Variants in BAG4 observed in about 807,000 individuals in gnomAD.
BAG4 encodes BAG family molecular chaperone regulator 4.
Under a neutral mutation model 52.1 loss-of-function variants are expected in BAG4, and 28 were observed. That is an observed-to-expected ratio of 0.54 (90% CI 0.40 to 0.74). The LOEUF (loss-of-function observed/expected upper bound fraction) is 0.74, where lower values mean the gene tolerates loss of function less well. BAG4 is among the 30% of genes least tolerant of loss of function. The probability of loss-of-function intolerance (pLI) is 0.00; values close to 1 mark genes in which losing one functional copy is unlikely to be tolerated. For synonymous variants in BAG4, 208 were observed against 217.0 expected, an observed-to-expected ratio of 0.96 and a Z score of 0.37; for missense variants, 525 against 572.0, an observed-to-expected ratio of 0.92 and a Z score of 0.84.
chr8:38,192,206 A>G (rs1480466311), intron 1 of BAG4, among the ~76,000 whole-genome samples: 1 of 152,222 alleles, frequency 6.6e-6, no homozygotes, highest in African/African-American at 2.4e-5. Context: ...CACTAATTAA[A>G]TTAGTAGTCT....
rs34268146 is a variant in BAG4 at position 38,181,886 on chromosome 8, CAAAAAAAAAAAAA to C, written c.270+4765_270+4777del. Reference sequence around the variant, plus strand: ...CCTGGGCTGCCTAGCGAGACTATCTCAAAAAAAAAAAAAAAAAAAAAAAAAAAAAAGGAAGTAA... The same window carrying C: ...CCTGGGCTGCCTAGCGAGACTATCTCAAAAAAAAAAAAAAAAAGGAAGTAA... On this transcript the variant is annotated intron_variant, in intron 1 of 4. Transcript: ENST00000287322. Among the ~76,000 whole-genome samples, 66 of 37,270 alleles carry C rather than the reference CAAAAAAAAAAAAA, an allele frequency of 1.8e-3. 1 individual carries two copies. The highest frequency in any genetic ancestry group is 0.038 in the Middle Eastern group (1 of 26). 24.5% of individuals were successfully genotyped at this position (37,270 alleles called of 152,430 possible).
Position 38,213,053 on chromosome 8 carries a change from A to G in BAG4, c.*2560A>G, listed in dbSNP as rs1803888994. On this transcript the variant is annotated 3_prime_UTR_variant, in exon 5 of 5. Transcript: ENST00000287322. ...GTTAAATCATGTTAAAATTATTCCA[A>G]ATACCAATATCAAAGAAAACTAAGT... 1 of 152,202 alleles carries G rather than the reference A, an allele frequency of 6.6e-6. No individual in the cohort carries two copies. Among genetic ancestry groups the G allele is most frequent in the Non-Finnish European group, 1.5e-5 (1 of 68,030 alleles). The allele number at this position is 152,202 out of a possible 1,614,324, so 9.4% of individuals were successfully genotyped here.
At chr8:38,200,573 G>A (rs1409534163) in intron 2 of BAG4, among the ~76,000 whole-genome samples, 1 of 151,554 alleles carries the variant, frequency 6.6e-6, no homozygotes, top group Non-Finnish European at 1.5e-5. Flanking sequence ...TTCAACTTAT[G>A]TAAAAAAGGC....
At chr8:38,204,048 A>G (rs1223537216) in intron 2 of BAG4, 1 of 152,176 alleles carries the variant, frequency 6.6e-6, no homozygotes, top group Admixed American at 6.5e-5. Context: ...CTTAACAAAC[A>G]TCTTTAGCAA....
At chr8:38,184,162 A>G (rs920544320) in intron 1 of BAG4, among the ~76,000 whole-genome samples, 5 of 152,268 alleles carry the variant, frequency 3.3e-5, no homozygotes, top group African/African-American at 1.2e-4. Flanking sequence ...TGGAGTGATT[A>G]TAGCCAGGAA....
chr8:38,190,405 G>A (rs987233171), intron 1 of BAG4, among the ~76,000 whole-genome samples: 5 of 152,188 alleles, frequency 3.3e-5, no homozygotes, highest in South Asian at 2.1e-4. Context: ...TATATTCTGT[G>A]TGTGGTTATC....
chr8:38,209,705 T>C (rs572811633), intron 4 of BAG4: 1 of 396,414 alleles, frequency 2.5e-6, no homozygotes, highest in Admixed American at 4.3e-5. Flanking sequence ...GGGGAAAAAC[T>C]AATTCTTATT....
At position 38,207,493 on chromosome 8, in the gene BAG4, T is replaced by G; in HGVS notation, c.379-19T>G. 6.2e-7 allele frequency: 1 copy of G among 1,601,358 alleles called. No individual in the cohort carries two copies. The highest frequency in any genetic ancestry group is 8.5e-7 in the Non-Finnish European group (1 of 1,172,466). On this transcript the variant is annotated intron_variant, in intron 2 of 4. Coordinates refer to ENST00000287322, the MANE Select transcript of BAG4 (RefSeq NM_004874.4). ...TTCTACTAATTCATCTTTTTTTCAC[T>G]CAACTTGGTTTTTTTCAGAGTTTGA...
rs1373474991 is a variant in BAG4 at position 38,211,829 on chromosome 8, TTAGA to T, written c.*1341_*1344del. ...GCCTTGTTTGGGTAACTCTATGCTG[TTAGA>T]TAGAAGAGACTTAGGTAAATAACTT... On this transcript the variant is annotated 3_prime_UTR_variant, in exon 5 of 5. Coordinates refer to ENST00000287322, the MANE Select transcript of BAG4 (RefSeq NM_004874.4). 1 of 152,120 alleles carries T rather than the reference TTAGA, an allele frequency of 6.6e-6. No individual in the cohort carries two copies. The highest frequency in any genetic ancestry group is 1.9e-4 in the East Asian group (1 of 5,194). 9.4% of individuals were successfully genotyped at this position (152,120 alleles called of 1,614,324 possible). A position where few individuals can be genotyped will look rare whatever the true frequency, so the allele number is the denominator to read the frequency against.
In BAG4 at chr8:38,188,482, A is replaced by G. The variant is rs1395725904; in HGVS notation, c.271-4206A>G. Among the ~76,000 whole-genome samples the G allele has an allele frequency of 3.3e-5, 5 of 151,916 alleles. 1 individual carries two copies. Among genetic ancestry groups the G allele is most frequent in the Non-Finnish European group, 2.9e-5 (2 of 67,952 alleles). Reference sequence around the variant, plus strand: ...TACCCTGTTTTGATCATTACACTTTATATACATGTATCAAAATATCACATG... The same window carrying G: ...TACCCTGTTTTGATCATTACACTTTGTATACATGTATCAAAATATCACATG... On this transcript the variant is annotated intron_variant, in intron 1 of 4. Coordinates refer to ENST00000287322, the MANE Select transcript of BAG4 (RefSeq NM_004874.4).
In BAG4 at chr8:38,207,528, C is replaced by A. The variant is rs371334530; in HGVS notation, c.395C>A (p.Thr132Lys). 3 of 1,612,166 alleles carry A rather than the reference C, an allele frequency of 1.9e-6. No individual in the cohort carries two copies. The South Asian group carries it at 3.3e-5, about 18-fold the overall frequency. The change falls in exon 3 of 5, where the codon ACA becomes AAA. Residue 132 changes from threonine to lysine, a missense_variant. Physicochemically the swap from Thr to Lys is moderately conservative, Grantham distance 78 (BLOSUM62 -1). Transcript: ENST00000287322. The part of the protein sequence containing the change: ...ELQGQSLNSY[T>K]NGAYGPTYPP... ...TTTTTTCAGAGTTTGAATTCTTATA[C>A]AAATGGAGCGTATGGTCCAACATAC...
rs771429583 is a variant in BAG4 at position 38,182,689 on chromosome 8, G to A, written c.270+5550G>A. Among the ~76,000 whole-genome samples the A allele has an allele frequency of 2.2e-3, 330 of 152,218 alleles. 3 individuals carry two copies. Among genetic ancestry groups the A allele is most frequent in the Non-Finnish European group, 3.6e-3 (247 of 68,016 alleles). ...ATAGAATAGAGTTCAGCTTCAGCCAGTTTCCTGTGAAACCAAATGCTATTT... is the reference window on the plus strand; with the variant it reads ...ATAGAATAGAGTTCAGCTTCAGCCAATTTCCTGTGAAACCAAATGCTATTT... On this transcript the variant is annotated intron_variant, in intron 1 of 4. Coordinates refer to ENST00000287322, the MANE Select transcript of BAG4 (RefSeq NM_004874.4).
Position 38,211,628 on chromosome 8 carries a change from C to T in BAG4, c.*1135C>T, listed in dbSNP as rs1803870801. On this transcript the variant is annotated 3_prime_UTR_variant, in exon 5 of 5. Coordinates refer to ENST00000287322, the MANE Select transcript of BAG4 (RefSeq NM_004874.4). ...TGGGATTCATGCTCAGGGAATGAAT[C>T]AGCCATAGTTAGAGTGGGAAATTAT... The T allele has an allele frequency of 6.6e-6, 1 of 151,968 alleles. No individual in the cohort carries two copies. The highest frequency in any genetic ancestry group is 6.6e-5 in the Admixed American group (1 of 15,252). The allele number at this position is 151,968 out of a possible 1,614,324, so 9.4% of individuals were successfully genotyped here.
chr8:38,178,059 C>A (rs1361612731), intron 1 of BAG4, among the ~76,000 whole-genome samples: 1 of 152,152 alleles, frequency 6.6e-6, no homozygotes, highest in Non-Finnish European at 1.5e-5. Context: ...TGGCTATATA[C>A]CCAAGAAAAC....
chr8:38,199,520 T>C (rs1370004098), intron 2 of BAG4, among the ~76,000 whole-genome samples: 2 of 149,976 alleles, frequency 1.3e-5, no homozygotes, highest in East Asian at 4.0e-4. Context: ...TTCACTCCTG[T>C]GATTTCTTTT....
At chr8:38,191,821 G>A (rs557790025) in intron 1 of BAG4, among the ~76,000 whole-genome samples, 2 of 150,620 alleles carry the variant, frequency 1.3e-5, no homozygotes, top group Admixed American at 1.3e-4. Context: ...TAACTCATAG[G>A]ATAATAAATG....
At chr8:38,194,021 G>A (rs1405232864) in intron 2 of BAG4, among the ~76,000 whole-genome samples, 1 of 152,160 alleles carries the variant, frequency 6.6e-6, no homozygotes. Context: ...ATAGGCGTGA[G>A]CCACCACGCC....
intron 2 of BAG4, among the ~76,000 whole-genome samples, chr8:38,198,339 A>G (rs540279993): frequency 5.9e-4 from 86 of 145,938 alleles, no homozygotes; most frequent in Middle Eastern, 3.7e-3. Context: ...AACCGAGATC[A>G]CGCCACTGCA....
At position 38,177,049 on chromosome 8, in the gene BAG4, C is replaced by G. The variant is rs753059246; in HGVS notation, c.180C>G (p.Thr60=). 2.5e-6 allele frequency: 4 copies of G among 1,609,360 alleles called. No homozygotes were observed. The highest frequency in any genetic ancestry group is 2.2e-5 in the South Asian group (2 of 90,474). The change falls in exon 1 of 5, where the codon ACC becomes ACG. Residue 60 remains threonine, a synonymous_variant. Transcript: ENST00000287322. The part of the protein sequence containing the change: ...WRVRGGGPAE[T]TWLGEGGGGD... ...TGCGCGGGGGCGGCCCGGCGGAGAC[C>G]ACCTGGCTGGGAGAAGGCGGAGGAG...
Sources: allele counts gnomAD v4.1 joint callset (sites outside exome capture counted in the v4.1 genomes callset), GRCh38; gene constraint gnomAD v4.1.1; transcripts MANE v1.5; gene names NCBI Gene and HGNC (gene_info 2026-07-23, HGNC 2026-07-21).